WDR33: variants seen among roughly 807,000 people sequenced by gnomAD.
The protein encoded by WDR33 is WD repeat domain 33.
In WDR33, 47 loss-of-function variants were observed where a neutral mutation model predicts 164.9. That is an observed-to-expected ratio of 0.29 (90% CI 0.23 to 0.36). WDR33 has a LOEUF of 0.36. Among genes scored for constraint, WDR33 ranks in the 10% least tolerant of loss-of-function variants. The probability of loss-of-function intolerance (pLI) is 1.00; values close to 1 mark genes in which losing one functional copy is unlikely to be tolerated. For synonymous variants in WDR33, 505 were observed against 589.0 expected, an observed-to-expected ratio of 0.86 and a Z score of 2.06; for missense variants, 1,137 against 1,754.1, an observed-to-expected ratio of 0.65 and a Z score of 6.28.
intron 7 of WDR33, chr2:127,737,589 C>A: frequency 2.0e-6 from 2 of 995,574 alleles, no homozygotes; most frequent in Non-Finnish European, 2.4e-6. Context: ...CCAGTACCTA[C>A]ACTACGTTAA....
intron 7 of WDR33, among the ~76,000 whole-genome samples, chr2:127,754,009 G>A (rs1030609397): frequency 4.6e-5 from 7 of 152,174 alleles, no homozygotes; most frequent in Non-Finnish European, 7.4e-5. Context: ...TTAGGCAAGT[G>A]TATAAATACA....
At position 127,719,836 on chromosome 2, in the gene WDR33, C is replaced by T. The variant is rs755693153; in HGVS notation, c.2189G>A (p.Gly730Asp). 1 of 1,613,606 alleles carries T rather than the reference C, an allele frequency of 6.2e-7. No individual in the cohort carries two copies. The highest frequency in any genetic ancestry group is 1.1e-5 in the South Asian group (1 of 91,086). Residue 730 changes from glycine (G) to aspartate (D), a missense_variant, in exon 16 of 22, where the codon GGC becomes GAC. By Grantham distance (94) the Gly-to-Asp change is moderately conservative. Coordinates refer to ENST00000322313, the MANE Select transcript of WDR33 (RefSeq NM_018383.5). This position sits in a 1 kb window ranked among gnomAD's most constrained non-coding sequence, Gnocchi z 6.5. The part of the protein sequence containing the change: ...QGPPGPQGHL[G>D]PQGPPGTQGM... Reference sequence around the variant, plus strand: ...TTGAGTACCCGGAGGCCCCTGTGGGCCCAAGTGACCCTGAGGGCCAGGCGG... The same window carrying T: ...TTGAGTACCCGGAGGCCCCTGTGGGTCCAAGTGACCCTGAGGGCCAGGCGG...
chr2:127,723,602 A>G lies in WDR33; in HGVS notation c.1197-255T>C, dbSNP rs942228297. ...CGAAACCCTGTCTCTACAAAATAAA[A>G]ATTAAAAAGTTAGCTGGGTGTGGTG... On this transcript the variant is annotated intron_variant, in intron 11 of 21. Coordinates refer to ENST00000322313, the MANE Select transcript of WDR33 (RefSeq NM_018383.5). The surrounding 1 kb of genome is among the most constrained non-coding windows in gnomAD (Gnocchi z 5.9). 6.6e-6 allele frequency among the ~76,000 whole-genome samples: 1 copy of G among 151,440 alleles called. No individual in the cohort carries two copies. The highest frequency in any genetic ancestry group is 1.5e-5 in the Non-Finnish European group (1 of 67,880).
At chr2:127,779,700 C>T (rs1471518736) in intron 1 of WDR33, among the ~76,000 whole-genome samples, 1 of 152,140 alleles carries the variant, frequency 6.6e-6, no homozygotes, top group Non-Finnish European at 1.5e-5. Context: ...ATGTCTGCTG[C>T]CACTGCATAT....
chr2:127,793,064 T>C (rs1265940559), intron 1 of WDR33, among the ~76,000 whole-genome samples: 3 of 152,314 alleles, frequency 2.0e-5, no homozygotes, highest in Non-Finnish European at 2.9e-5. Flanking sequence ...CATACATGTA[T>C]GTGTATTCAC....
intron 1 of WDR33, among the ~76,000 whole-genome samples, chr2:127,784,823 T>C (rs1418792209): frequency 6.6e-6 from 1 of 152,220 alleles, no homozygotes; most frequent in Admixed American, 6.5e-5. Flanking sequence ...TTCCAGAGAA[T>C]TACGTATATC....
In WDR33 at chr2:127,722,284, A is replaced by G. The variant is rs1355762776; in HGVS notation, c.1519-296T>C. Among the ~76,000 whole-genome samples the G allele has an allele frequency of 1.3e-5, 2 of 152,224 alleles. No individual in the cohort carries two copies. Among genetic ancestry groups the G allele is most frequent in the Non-Finnish European group, 2.9e-5 (2 of 68,046 alleles). On this transcript the variant is annotated intron_variant, in intron 14 of 21. Transcript: ENST00000322313. This position sits in a 1 kb window ranked among gnomAD's most constrained non-coding sequence, Gnocchi z 5.1. ...TTTGTGTTGAGGGGACAATTAAAGCACAAGATAGATAAACAATGGAGAAGA... is the reference window on the plus strand; with the variant it reads ...TTTGTGTTGAGGGGACAATTAAAGCGCAAGATAGATAAACAATGGAGAAGA...
intron 7 of WDR33, among the ~76,000 whole-genome samples, chr2:127,745,272 CTTCCCAGAGAGAA>C (rs1012558949): frequency 6.6e-6 from 1 of 152,152 alleles, no homozygotes; most frequent in Non-Finnish European, 1.5e-5. Context: ...GCTATCGATC[CTTCCCAGAGAGAA>C]TTCTGGTTAA....
chr2:127,744,393 T>C (rs1162121516), intron 7 of WDR33, among the ~76,000 whole-genome samples: 1 of 152,158 alleles, frequency 6.6e-6, no homozygotes, highest in East Asian at 1.9e-4. Context: ...AGTAGATACA[T>C]GCAGTCAAAA....
chr2:127,807,337 A>G (rs1031485261), intron 1 of WDR33, among the ~76,000 whole-genome samples: 16 of 152,210 alleles, frequency 1.1e-4, no homozygotes, highest in Non-Finnish European at 1.9e-4. Flanking sequence ...AAAAGTTACC[A>G]GAATATTCCA....
chr2:127,792,980 A>G (rs1349688858), intron 1 of WDR33, among the ~76,000 whole-genome samples: 1 of 152,166 alleles, frequency 6.6e-6, no homozygotes, highest in Non-Finnish European at 1.5e-5. Flanking sequence ...ATTACCACAG[A>G]TTGCCTCTGG....
At position 127,722,056 on chromosome 2, in the gene WDR33, C is replaced by T. The variant is rs1255457972; in HGVS notation, c.1519-68G>A. On this transcript the variant is annotated intron_variant, in intron 14 of 21. Coordinates refer to ENST00000322313, the MANE Select transcript of WDR33 (RefSeq NM_018383.5). The surrounding 1 kb of genome is among the most constrained non-coding windows in gnomAD (Gnocchi z 5.1). ...AATTACAATGATAGAATGAGAAAAC[C>T]ACTCTACAATGTCATCTGCTCAATC... 6.5e-7 allele frequency: 1 copy of T among 1,548,404 alleles called. No homozygotes were observed. Among genetic ancestry groups the T allele is most frequent in the Non-Finnish European group, 8.7e-7 (1 of 1,143,898 alleles).
intron 7 of WDR33, among the ~76,000 whole-genome samples, chr2:127,754,996 C>T (rs1054029403): frequency 1.3e-5 from 2 of 152,100 alleles, no homozygotes; most frequent in Admixed American, 6.6e-5. Context: ...CCACTCTGAA[C>T]ATCTATTAAG....
At chr2:127,756,836 C>T (rs567589774) in intron 7 of WDR33, among the ~76,000 whole-genome samples, 4 of 152,262 alleles carry the variant, frequency 2.6e-5, no homozygotes, top group South Asian at 4.1e-4. Flanking sequence ...AATCCCAGCA[C>T]TTTGGGAGGC....
chr2:127,797,939 AG>A (rs776888353), intron 1 of WDR33, among the ~76,000 whole-genome samples: 166 of 151,776 alleles, frequency 1.1e-3, no homozygotes, highest in Non-Finnish European at 1.0e-3. Flanking sequence ...GCTTGAGCCC[AG>A]GAAGTCGAGG....
At chr2:127,774,539 C>T (rs1688119276) in intron 1 of WDR33, among the ~76,000 whole-genome samples, 1 of 152,002 alleles carries the variant, frequency 6.6e-6, no homozygotes, top group African/African-American at 2.4e-5. Flanking sequence ...AATATCAAAA[C>T]CATTATGCTG....
chr2:127,741,492 G>T lies in WDR33; in HGVS notation c.725-14715C>A, dbSNP rs113311717. 1.3e-5 allele frequency among the ~76,000 whole-genome samples: 2 copies of T among 152,118 alleles called. No individual in the cohort carries two copies. The highest frequency in any genetic ancestry group is 2.9e-5 in the Non-Finnish European group (2 of 68,032). The stretch of plus-strand genomic sequence containing the variant: ...TCATTAAACACACACAAACATGCAC[G>T]TGTGTACACATGTACAAGCACACAC... On this transcript the variant is annotated intron_variant, in intron 7 of 21. Transcript: ENST00000322313. This position sits in a 1 kb window ranked among gnomAD's most constrained non-coding sequence, Gnocchi z 4.1.
intron 7 of WDR33, among the ~76,000 whole-genome samples, chr2:127,753,228 T>C (rs1687423727): frequency 6.6e-6 from 1 of 152,216 alleles, no homozygotes; most frequent in African/African-American, 2.4e-5. Context: ...CGCATAGCCC[T>C]TTTAAAGGAC....
At position 127,701,496 on chromosome 2, in the gene WDR33, C is replaced by T. The variant is rs1279598131; in HGVS notation, c.*4827G>A. The T allele has an allele frequency of 1.6e-6, 2 of 1,275,528 alleles. No individual in the cohort carries two copies. The highest frequency in any genetic ancestry group is 1.5e-5 in the African/African-American group (1 of 64,658). The allele number at this position is 1,275,528 out of a possible 1,614,324, so 79.0% of individuals were successfully genotyped here. On this transcript the variant is annotated 3_prime_UTR_variant, in exon 22 of 22. Transcript: ENST00000322313. Reference sequence around the variant, plus strand: ...TCAGCGGAGGGCCGGAAGTGAGCCGCAGCTTTTCCTTTCTGCCACCGCCTT... The same window carrying T: ...TCAGCGGAGGGCCGGAAGTGAGCCGTAGCTTTTCCTTTCTGCCACCGCCTT...
Sources: gnomAD v4.1 joint callset for allele counts (sites outside exome capture counted in the v4.1 genomes callset) on GRCh38, gnomAD v4.1.1 for gene constraint, Gnocchi (gnomAD v3.1) non-coding constraint, MANE v1.5 for transcripts, NCBI Gene and HGNC (gene_info 2026-07-23, HGNC 2026-07-21) for gene names.